ANKRD6: variants seen among roughly 807,000 people sequenced by gnomAD.
The protein encoded by ANKRD6 is ankyrin repeat domain 6, also known as ankyrin repeat domain-containing protein 6.
Under a neutral mutation model 82.3 loss-of-function variants are expected in ANKRD6, and 56 were observed. That is an observed-to-expected ratio of 0.68 (90% confidence interval 0.55 to 0.85). ANKRD6 has a LOEUF of 0.85. Among genes scored for constraint, ANKRD6 ranks in the 40% least tolerant of loss-of-function variants. The probability of loss-of-function intolerance (pLI) is 0.00; values close to 1 mark genes in which losing one functional copy is unlikely to be tolerated. For synonymous variants in ANKRD6, 347 were observed against 352.1 expected, an observed-to-expected ratio of 0.99 and a Z score of 0.16; for missense variants, 852 against 907.6, an observed-to-expected ratio of 0.94 and a Z score of 0.79.
intron 7 of ANKRD6, among the ~76,000 whole-genome samples, chr6:89,615,122 A>G (rs1339901881): frequency 1.3e-5 from 2 of 151,860 alleles, no homozygotes; most frequent in Admixed American, 6.6e-5. Context: ...TATGTGGTAC[A>G]TTGTTTCACT....
At chr6:89,434,594 C>T (rs1770388813) in intron 1 of ANKRD6, among the ~76,000 whole-genome samples, 1 of 152,136 alleles carries the variant, frequency 6.6e-6, no homozygotes, top group Non-Finnish European at 1.5e-5. Context: ...ACCACCACAC[C>T]TGGCTAATTT....
At chr6:89,529,598 C>T (rs1782901319) in intron 1 of ANKRD6, among the ~76,000 whole-genome samples, 1 of 152,236 alleles carries the variant, frequency 6.6e-6, no homozygotes, top group South Asian at 2.1e-4. Flanking sequence ...TTCACAACTT[C>T]GCTAACTGGT....
At chr6:89,542,010 G>A (rs1784502626) in intron 1 of ANKRD6, among the ~76,000 whole-genome samples, 1 of 151,042 alleles carries the variant, frequency 6.6e-6, no homozygotes, top group Admixed American at 6.6e-5. Context: ...GTACTTTTAT[G>A]TCTTTTGAAT....
chr6:89,508,071 A>G (rs1037709959), intron 1 of ANKRD6, among the ~76,000 whole-genome samples: 3 of 152,206 alleles, frequency 2.0e-5, no homozygotes, highest in Non-Finnish European at 2.9e-5. Flanking sequence ...AGCTTGCTTT[A>G]TCACCTAGAT....
intron 1 of ANKRD6, among the ~76,000 whole-genome samples, chr6:89,467,499 C>T (rs1476524875): frequency 3.9e-5 from 6 of 152,146 alleles, no homozygotes; most frequent in African/African-American, 1.4e-4. Flanking sequence ...ATTTACTAGA[C>T]ACTATCTTAG....
chr6:89,615,175 T>A (rs936498604), intron 7 of ANKRD6, among the ~76,000 whole-genome samples: 4 of 141,870 alleles, frequency 2.8e-5, no homozygotes, highest in Non-Finnish European at 6.2e-5. Flanking sequence ...AAAAAAAAAA[T>A]TAGATTGTGG....
intron 2 of ANKRD6, among the ~76,000 whole-genome samples, chr6:89,571,348 G>A (rs977351741): frequency 6.6e-6 from 1 of 152,086 alleles, no homozygotes; most frequent in African/African-American, 2.4e-5. Flanking sequence ...TTCCTAATGG[G>A]TGTGAGGTGA....
intron 2 of ANKRD6, among the ~76,000 whole-genome samples, chr6:89,571,921 A>G (rs577387531): frequency 1.3e-5 from 2 of 152,252 alleles, no homozygotes; most frequent in South Asian, 4.1e-4. Flanking sequence ...TCACCTATTT[A>G]TCCCCTTCCC....
intron 1 of ANKRD6, chr6:89,562,680 T>C (rs1036728596): frequency 6.6e-6 from 1 of 152,162 alleles, no homozygotes; most frequent in African/African-American, 2.4e-5. Flanking sequence ...CACAAAACAT[T>C]GCAAGCTGAA....
intron 1 of ANKRD6, among the ~76,000 whole-genome samples, chr6:89,565,839 A>G (rs143502383): frequency 9.2e-5 from 14 of 152,338 alleles, no homozygotes; most frequent in Non-Finnish European, 1.5e-4. Flanking sequence ...AGTATCTTTT[A>G]AAATGCAAAG....
At chr6:89,557,630 C>T (rs998018423) in intron 1 of ANKRD6, among the ~76,000 whole-genome samples, 6 of 152,154 alleles carry the variant, frequency 3.9e-5, no homozygotes, top group African/African-American at 1.4e-4. Context: ...TCCCTAACCC[C>T]CAGACCGTGG....
chr6:89,448,950 A>T (rs1772457125), intron 1 of ANKRD6, among the ~76,000 whole-genome samples: 1 of 150,880 alleles, frequency 6.6e-6, no homozygotes, highest in Admixed American at 6.6e-5. Context: ...GAATGGCATG[A>T]ACCTGGGAGG....
At chr6:89,622,315 G>A (rs533391743) in intron 10 of ANKRD6, among the ~76,000 whole-genome samples, 8 of 152,338 alleles carry the variant, frequency 5.3e-5, no homozygotes, top group East Asian at 1.9e-4. Flanking sequence ...ATGTCCTGCG[G>A]GTAGCACTGC....
chr6:89,473,127 T>C (rs1775662940), intron 1 of ANKRD6, among the ~76,000 whole-genome samples: 1 of 152,058 alleles, frequency 6.6e-6, no homozygotes, highest in African/African-American at 2.4e-5. Flanking sequence ...TAAAAAAAAT[T>C]TGGCCAGGAG....
At chr6:89,468,792 C>G (rs1054400548) in intron 1 of ANKRD6, among the ~76,000 whole-genome samples, 10 of 152,064 alleles carry the variant, frequency 6.6e-5, no homozygotes, top group Non-Finnish European at 1.0e-4. Flanking sequence ...AATATAGATG[C>G]TTTCCTAAGG....
At chr6:89,451,655 G>A (rs575885690) in intron 1 of ANKRD6, among the ~76,000 whole-genome samples, 3 of 152,224 alleles carry the variant, frequency 2.0e-5, no homozygotes, top group Non-Finnish European at 2.9e-5. Context: ...GTCATTGTAC[G>A]TCCTAAACTA....
At chr6:89,486,570 A>T (rs1393601064) in intron 1 of ANKRD6, among the ~76,000 whole-genome samples, 2 of 152,082 alleles carry the variant, frequency 1.3e-5, no homozygotes, top group Non-Finnish European at 2.9e-5. Flanking sequence ...CAGTTCTGAG[A>T]GCTGGGACAT....
intron 1 of ANKRD6, among the ~76,000 whole-genome samples, chr6:89,535,253 T>C (rs1357720690): frequency 6.6e-6 from 1 of 152,214 alleles, no homozygotes; most frequent in Non-Finnish European, 1.5e-5. Flanking sequence ...ACTTTGACCT[T>C]CATTAAATGT....
At chr6:89,456,651 A>G (rs541918980) in intron 1 of ANKRD6, among the ~76,000 whole-genome samples, 3 of 152,344 alleles carry the variant, frequency 2.0e-5, no homozygotes, top group African/African-American at 7.2e-5. Flanking sequence ...TGTTCTGCCC[A>G]TAACACTGTC....
Sources: allele counts gnomAD v4.1 joint callset (sites outside exome capture counted in the v4.1 genomes callset), GRCh38; gene constraint gnomAD v4.1.1; transcripts MANE v1.5; gene names NCBI Gene and HGNC (gene_info 2026-07-23, HGNC 2026-07-21).